DLGAP2: variants seen among roughly 807,000 people sequenced by gnomAD.
DLGAP2 encodes disks large-associated protein 2.
DLGAP2 carries 26 observed loss-of-function variants against 100.3 expected under a neutral mutation model. The ratio of observed to expected loss-of-function variants is 0.26; its 90% CI spans 0.19 to 0.36. DLGAP2 has a LOEUF of 0.36. DLGAP2 is among the 10% of genes least tolerant of loss of function. The pLI, the probability that DLGAP2 is intolerant of heterozygous loss-of-function variation, is 1.00. For missense variants in DLGAP2, 1,858 were observed against 1,453.2 expected (o/e 1.28, Z -4.53); for synonymous variants, 886 against 630.1 (o/e 1.41, Z -6.08).
At chr8:1,543,130 A>C (rs1292025496) in intron 4 of DLGAP2, among the ~76,000 whole-genome samples, 1 of 152,220 alleles carries the variant, frequency 6.6e-6, no homozygotes, top group African/African-American at 2.4e-5. Flanking sequence ...TGATTTACAA[A>C]AATGTTTCCC....
chr8:1,539,671 CT>C (rs1250128756), intron 4 of DLGAP2, among the ~76,000 whole-genome samples: 1 of 151,382 alleles, frequency 6.6e-6, no homozygotes, highest in Non-Finnish European at 1.5e-5. Context: ...CACCTTCTCC[CT>C]CTCCAGACTC....
chr8:1,660,065 C>G (rs34670700), intron 8 of DLGAP2, among the ~76,000 whole-genome samples: 4,583 of 152,228 alleles, frequency 0.03, 107 homozygotes, highest in Non-Finnish European at 0.048. Context: ...TCAGCATCTG[C>G]TTGTCTGTAA....
intron 2 of DLGAP2, among the ~76,000 whole-genome samples, chr8:978,185 CTTT>C (rs1800221116): frequency 7.7e-6 from 1 of 129,386 alleles, no homozygotes; most frequent in Non-Finnish European, 1.7e-5. Context: ...GGGTTCTGGT[CTTT>C]GGTGTTGTGG....
chr8:1,567,498 A>T (rs998287467), intron 6 of DLGAP2, among the ~76,000 whole-genome samples: 17 of 152,176 alleles, frequency 1.1e-4, no homozygotes, highest in African/African-American at 4.1e-4. Flanking sequence ...TTTTTAGACC[A>T]TGGGCAGGGA....
intron 6 of DLGAP2, among the ~76,000 whole-genome samples, chr8:1,614,842 C>G (rs538631091): frequency 2.8e-5 from 4 of 142,490 alleles, no homozygotes; most frequent in Admixed American, 1.3e-4. Context: ...ATGCATTGCA[C>G]GTGCACACAC....
At chr8:836,719 C>T (rs1446799238) in intron 1 of DLGAP2, among the ~76,000 whole-genome samples, 4 of 152,206 alleles carry the variant, frequency 2.6e-5, no homozygotes, top group Non-Finnish European at 5.9e-5. Context: ...CTGCTGGGGC[C>T]AGGGCCGCGT....
rs866036810 is a variant in DLGAP2 at position 782,254 on chromosome 8, A to G, written c.18+44429A>G. 7.2e-5 allele frequency among the ~76,000 whole-genome samples: 11 copies of G among 152,082 alleles called. 1 individual carries two copies. The Middle Eastern group carries it at 0.02, about 282-fold the overall frequency. Reference sequence around the variant, plus strand: ...AAAAAAATTAAAAAAAAAACAGAAGAGAGGGGATTGTCCTACTCATTAGAA... The same window carrying G: ...AAAAAAATTAAAAAAAAAACAGAAGGGAGGGGATTGTCCTACTCATTAGAA... On this transcript the variant is annotated intron_variant, in intron 1 of 14. Coordinates refer to ENST00000637795, the MANE Select transcript of DLGAP2 (RefSeq NM_001346810.2).
intron 2 of DLGAP2, among the ~76,000 whole-genome samples, chr8:1,233,516 C>A (rs954566870): frequency 6.6e-6 from 1 of 152,192 alleles, no homozygotes; most frequent in African/African-American, 2.4e-5. Context: ...CAGACCGCAG[C>A]TGGAGCCCTG....
At chr8:1,677,934 G>C (rs574195515) in intron 11 of DLGAP2, among the ~76,000 whole-genome samples, 1 of 152,316 alleles carries the variant, frequency 6.6e-6, no homozygotes, top group Admixed American at 6.5e-5. Context: ...GTGGTTTCAA[G>C]AAACACGTTA....
chr8:963,742 A>G (rs768011295), intron 2 of DLGAP2, among the ~76,000 whole-genome samples: 2 of 151,550 alleles, frequency 1.3e-5, no homozygotes, highest in African/African-American at 4.9e-5. Context: ...TATTAACTCA[A>G]TATTATTTCA....
chr8:1,163,305 C>A (rs1411476296), intron 2 of DLGAP2, among the ~76,000 whole-genome samples: 3 of 152,242 alleles, frequency 2.0e-5, no homozygotes, highest in Non-Finnish European at 4.4e-5. Context: ...ACCACGCGGG[C>A]TGTGCCGCAC....
intron 2 of DLGAP2, among the ~76,000 whole-genome samples, chr8:1,156,102 C>A (rs1367486536): frequency 6.6e-6 from 1 of 152,162 alleles, no homozygotes; most frequent in Non-Finnish European, 1.5e-5. Context: ...ACAGCCGAGC[C>A]CTGTTTCAGG....
At position 918,548 on chromosome 8, in the gene DLGAP2, G is replaced by A. The variant is rs570375995; in HGVS notation, c.73+10582G>A. ...GTCTGTGCCCCGCTGTGTCTGCATC[G>A]ATCCTGAACAGGTGTACTTGGTGTT... On this transcript the variant is annotated intron_variant, in intron 2 of 14. Coordinates refer to ENST00000637795, the MANE Select transcript of DLGAP2 (RefSeq NM_001346810.2). Among the ~76,000 whole-genome samples, 3 of 152,284 alleles carry A rather than the reference G, an allele frequency of 2.0e-5. No individual in the cohort carries two copies. In the East Asian group the frequency reaches 5.8e-4, roughly 30 times the overall value.
At chr8:1,088,672 A>G (rs1048212135) in intron 2 of DLGAP2, among the ~76,000 whole-genome samples, 2 of 151,368 alleles carry the variant, frequency 1.3e-5, no homozygotes, top group Non-Finnish European at 2.9e-5. Context: ...GCAGCAGGCT[A>G]TGCAATTCTC....
intron 6 of DLGAP2, among the ~76,000 whole-genome samples, chr8:1,571,072 A>G (rs536951531): frequency 4.8e-3 from 464 of 96,916 alleles, no homozygotes; most frequent in African/African-American, 0.014. Context: ...GCATCTGATG[A>G]GATGGGGAGG....
intron 2 of DLGAP2, among the ~76,000 whole-genome samples, chr8:1,255,586 C>T (rs114346727): frequency 1.6e-5 from 2 of 125,454 alleles, no homozygotes; most frequent in African/African-American, 7.2e-5. Context: ...CCTTTCCTGC[C>T]TGAGCACTGT....
chr8:835,012 G>T (rs1339817995), intron 1 of DLGAP2, among the ~76,000 whole-genome samples: 1 of 152,136 alleles, frequency 6.6e-6, no homozygotes, highest in Non-Finnish European at 1.5e-5. Context: ...ACATTATGTT[G>T]GGGTGCACAG....
At chr8:1,475,592 C>T (rs1798908710) in intron 3 of DLGAP2, among the ~76,000 whole-genome samples, 1 of 152,178 alleles carries the variant, frequency 6.6e-6, no homozygotes, top group Admixed American at 6.5e-5. Context: ...GGTCACCACC[C>T]TAAAGCCCTA....
chr8:882,344 C>T (rs534098959), intron 1 of DLGAP2, among the ~76,000 whole-genome samples: 66 of 150,328 alleles, frequency 4.4e-4, no homozygotes, highest in Non-Finnish European at 9.0e-4. Context: ...CGGCACCGCT[C>T]CCTGCGGAGG....
Sources: gnomAD v4.1 joint callset for allele counts (sites outside exome capture counted in the v4.1 genomes callset) on GRCh38, gnomAD v4.1.1 for gene constraint, MANE v1.5 for transcripts, NCBI Gene and HGNC (gene_info 2026-07-23, HGNC 2026-07-21) for gene names.